SLC14A2: variants seen among roughly 807,000 people sequenced by gnomAD.
The protein encoded by SLC14A2 is urea transporter 2.
In SLC14A2, 91 loss-of-function variants were observed where a neutral mutation model predicts 104.6. The observed-to-expected ratio is 0.87, with a 90% CI of 0.73 to 1.04. The LOEUF is 1.04. SLC14A2 is among the 50% of genes least tolerant of loss of function. The pLI is 0.00. For missense variants in SLC14A2, 1,189 were observed against 1,156.0 expected (o/e 1.03, Z -0.41); for synonymous variants, 476 against 466.4 (o/e 1.02, Z -0.27).
At chr18:45,417,692 C>G (rs934115283) in intron 1 of SLC14A2, among the ~76,000 whole-genome samples, 11 of 152,148 alleles carry the variant, frequency 7.2e-5, no homozygotes, top group Non-Finnish European at 1.2e-4. Flanking sequence ...GGTGGGGACA[C>G]AGCCAAACCA....
intron 1 of SLC14A2, among the ~76,000 whole-genome samples, chr18:45,278,723 T>C (rs780927848): frequency 6.6e-6 from 1 of 152,160 alleles, no homozygotes; most frequent in South Asian, 2.1e-4. Flanking sequence ...CCACAAATAC[T>C]ATATTTTCAA....
intron 2 of SLC14A2, among the ~76,000 whole-genome samples, chr18:45,491,243 G>A (rs574603217): frequency 9.9e-5 from 15 of 152,284 alleles, no homozygotes; most frequent in Admixed American, 9.8e-4. Context: ...ACACTGTACA[G>A]GCACAGCAGT....
At chr18:45,234,997 A>T (rs2084211054) in intron 1 of SLC14A2, among the ~76,000 whole-genome samples, 1 of 152,130 alleles carries the variant, frequency 6.6e-6, no homozygotes, top group Admixed American at 6.5e-5. Flanking sequence ...TTTCTTTTTT[A>T]AAAAAACAAG....
At chr18:45,599,981 G>A (rs1178408165) in intron 2 of SLC14A2, among the ~76,000 whole-genome samples, 1 of 151,778 alleles carries the variant, frequency 6.6e-6, no homozygotes, top group Non-Finnish European at 1.5e-5. Context: ...CAACACATGG[G>A]AATTCAGGAT....
chr18:45,622,304 G>A (rs1489678306), intron 1 of SLC14A2, among the ~76,000 whole-genome samples: 2 of 152,106 alleles, frequency 1.3e-5, no homozygotes, highest in African/African-American at 2.4e-5. Context: ...TAAGAAGAAG[G>A]GAGCATTAAG....
chr18:45,272,816 CTTG>C (rs1730297032), intron 1 of SLC14A2, among the ~76,000 whole-genome samples: 1 of 152,060 alleles, frequency 6.6e-6, no homozygotes, highest in African/African-American at 2.4e-5. Context: ...CCCCATTCTC[CTTG>C]TTGTGCTTAT....
chr18:45,678,035 T>C (rs1168913435), intron 18 of SLC14A2, among the ~76,000 whole-genome samples: 1 of 152,036 alleles, frequency 6.6e-6, no homozygotes, highest in Non-Finnish European at 1.5e-5. Context: ...CCCAGACTGG[T>C]CTCAAACTCC....
intron 1 of SLC14A2, among the ~76,000 whole-genome samples, chr18:45,475,478 T>C (rs1598880053): frequency 2.0e-5 from 3 of 151,678 alleles, no homozygotes. Context: ...TACACTATTA[T>C]TGTGTGGGAG....
At chr18:45,285,729 C>G (rs1226509996) in intron 1 of SLC14A2, among the ~76,000 whole-genome samples, 1 of 149,560 alleles carries the variant, frequency 6.7e-6, no homozygotes, top group African/African-American at 2.4e-5. Flanking sequence ...CCAGCCGGAG[C>G]AGATGAATTT....
At chr18:45,386,964 A>G (rs1001178608) in intron 1 of SLC14A2, among the ~76,000 whole-genome samples, 5 of 152,224 alleles carry the variant, frequency 3.3e-5, no homozygotes, top group Non-Finnish European at 7.3e-5. Flanking sequence ...TGAATTACTC[A>G]CTATGACACT....
At chr18:45,274,042 C>T (rs944611891) in intron 1 of SLC14A2, among the ~76,000 whole-genome samples, 4 of 152,142 alleles carry the variant, frequency 2.6e-5, no homozygotes, top group African/African-American at 9.7e-5. Flanking sequence ...ACACTGCTTC[C>T]TCATATCTTT....
chr18:45,559,234 A>G (rs72904453), intron 2 of SLC14A2, among the ~76,000 whole-genome samples: 1,619 of 152,326 alleles, frequency 0.011, 7 homozygotes, highest in Non-Finnish European at 0.017. Context: ...AGAGAATGCT[A>G]AAAAGTCAAA....
intron 2 of SLC14A2, among the ~76,000 whole-genome samples, chr18:45,598,342 A>G (rs1220894304): frequency 1.3e-5 from 2 of 152,060 alleles, no homozygotes; most frequent in African/African-American, 4.8e-5. Context: ...GCAGTGGAGA[A>G]GGGGAGGGAG....
chr18:45,208,282 G>A (rs1213347253), upstream of SLC14A2, among the ~76,000 whole-genome samples: 2 of 152,156 alleles, frequency 1.3e-5, no homozygotes, highest in African/African-American at 4.8e-5. Flanking sequence ...ACAATTCTTT[G>A]AAGTATGCCT....
At chr18:45,656,576 C>A (rs1395344570) in intron 10 of SLC14A2, among the ~76,000 whole-genome samples, 1 of 152,146 alleles carries the variant, frequency 6.6e-6, no homozygotes, top group Non-Finnish European at 1.5e-5. Context: ...ACATGCAATT[C>A]TGAGGGTGTG....
At chr18:45,288,054 T>C (rs1262640732) in intron 1 of SLC14A2, among the ~76,000 whole-genome samples, 1 of 152,204 alleles carries the variant, frequency 6.6e-6, no homozygotes, top group Non-Finnish European at 1.5e-5. Flanking sequence ...ACAGGAGCAA[T>C]ATGGGAGTAA....
intron 1 of SLC14A2, among the ~76,000 whole-genome samples, chr18:45,250,557 T>C (rs2084410699): frequency 1.3e-5 from 2 of 152,136 alleles, no homozygotes; most frequent in Admixed American, 1.3e-4. Context: ...CTTCCTGTTC[T>C]TTCTACTTTC....
intron 18 of SLC14A2, among the ~76,000 whole-genome samples, chr18:45,675,278 C>G (rs1313474103): frequency 6.6e-6 from 1 of 152,170 alleles, no homozygotes; most frequent in Non-Finnish European, 1.5e-5. Flanking sequence ...CACCAAAATA[C>G]TTTTCCAAAT....
At chr18:45,405,115 G>GC (rs1053759909) in intron 1 of SLC14A2, among the ~76,000 whole-genome samples, 18 of 152,250 alleles carry the variant, frequency 1.2e-4, no homozygotes, top group African/African-American at 3.9e-4. Context: ...CTTGAAAGAA[G>GC]CCCTCCAGTC....
Sources: gnomAD v4.1 joint callset for allele counts (sites outside exome capture counted in the v4.1 genomes callset) on GRCh38, gnomAD v4.1.1 for gene constraint, MANE v1.5 for transcripts, NCBI Gene and HGNC (gene_info 2026-07-23, HGNC 2026-07-21) for gene names.